The following TNPO1 variants were observed in gnomAD, a reference collection of about 807,000 sequenced individuals.
The protein encoded by TNPO1 is transportin 1.
In TNPO1, 8 loss-of-function variants were observed where a neutral mutation model predicts 119.5. The observed-to-expected ratio is 0.07, with a 90% CI of 0.04 to 0.12. The LOEUF is 0.12. TNPO1 is among the 10% of genes least tolerant of loss of function. The pLI is 1.00. For missense variants in TNPO1, 576 were observed against 1,089.8 expected, an observed-to-expected ratio of 0.53 and a Z score of 6.64; for synonymous variants, 362 against 363.0, an observed-to-expected ratio of 1.00 and a Z score of 0.03.
chr5:72,848,705 G>T (rs1745293951), intron 2 of TNPO1, among the ~76,000 whole-genome samples: 1 of 147,878 alleles, frequency 6.8e-6, no homozygotes, highest in Non-Finnish European at 1.5e-5. Context: ...TGGGCCGGGG[G>T]CGCCGCCGCG....
At chr5:72,855,096 A>C (rs749091236) in intron 3 of TNPO1, among the ~76,000 whole-genome samples, 1 of 151,998 alleles carries the variant, frequency 6.6e-6, no homozygotes, top group South Asian at 2.1e-4. Context: ...TCTGAGTTCA[A>C]GTGATTCTCC....
At chr5:72,851,509 TACAG>T (rs1367769340) in intron 3 of TNPO1, among the ~76,000 whole-genome samples, 190 bp downstream of exon 3, 1 of 152,186 alleles carries the variant, frequency 6.6e-6, no homozygotes, top group Non-Finnish European at 1.5e-5. Flanking sequence ...TTAATGTATA[TACAG>T]ACAGAGTCTC....
At chr5:72,846,668 T>C (rs1745143755) in intron 1 of TNPO1, among the ~76,000 whole-genome samples, 1 of 152,156 alleles carries the variant, frequency 6.6e-6, no homozygotes, top group South Asian at 2.1e-4. Context: ...TTAGGAAGGG[T>C]TGATGGCTGG....
At chr5:72,863,046 T>G (rs1032475656) in intron 5 of TNPO1, among the ~76,000 whole-genome samples, 35 of 151,772 alleles carry the variant, frequency 2.3e-4, no homozygotes, top group South Asian at 4.2e-4. Context: ...GTTGTTTTTT[T>G]GGGGTTTTTT....
At chr5:72,897,480 G>A (rs1749515443) in intron 20 of TNPO1, among the ~76,000 whole-genome samples, 1 of 121,382 alleles carries the variant, frequency 8.2e-6, no homozygotes, top group African/African-American at 2.6e-5. Flanking sequence ...ACTGGGAGCT[G>A]GGAAGTAATT....
intron 24 of TNPO1, among the ~76,000 whole-genome samples, chr5:72,907,793 T>G (rs1750273439): frequency 6.6e-6 from 1 of 152,084 alleles, no homozygotes. Context: ...TCTATAATCC[T>G]AGCATTTTGG....
chr5:72,848,722 T>C (rs1213382961), intron 2 of TNPO1, among the ~76,000 whole-genome samples: 5 of 145,586 alleles, frequency 3.4e-5, no homozygotes, highest in Non-Finnish European at 6.1e-5. Context: ...CGCGTGGGGC[T>C]CACGCCGCCA....
At position 72,855,703 on chromosome 5, in the gene TNPO1, T is replaced by A. The variant is rs564474269; in HGVS notation, c.206-71T>A. The stretch of plus-strand genomic sequence containing the variant: ...CAATCAACTTTTGAATATAAATGTT[T>A]TTAAAACTTATCGGCACATTTTGAA... On this transcript the variant is annotated intron_variant, in intron 3 of 24. Coordinates refer to ENST00000337273, the MANE Select transcript of TNPO1 (RefSeq NM_002270.4). 38 of 1,326,374 alleles carry A rather than the reference T, an allele frequency of 2.9e-5. No individual in the cohort carries two copies. The South Asian group carries it at 5.5e-4, about 19-fold the overall frequency. 82.2% of individuals were successfully genotyped at this position (1,326,374 alleles called of 1,614,324 possible).
At chr5:72,819,069 AAAGAG>A (rs1421763330) in intron 1 of TNPO1, among the ~76,000 whole-genome samples, 1 of 152,228 alleles carries the variant, frequency 6.6e-6, no homozygotes, top group Non-Finnish European at 1.5e-5. Context: ...GGTCATTTAT[AAAGAG>A]AAGAGGTTTA....
chr5:72,867,978 C>T (rs1346504242), intron 6 of TNPO1, among the ~76,000 whole-genome samples: 1 of 151,994 alleles, frequency 6.6e-6, no homozygotes, highest in Non-Finnish European at 1.5e-5. Context: ...ATGTTTATTG[C>T]CTTTATCTTG....
chr5:72,840,646 A>AT (rs1744871509), intron 1 of TNPO1, among the ~76,000 whole-genome samples: 1 of 152,132 alleles, frequency 6.6e-6, no homozygotes, highest in African/African-American at 2.4e-5. Context: ...ATTGGGTCAA[A>AT]TTTTGAGATC....
intron 18 of TNPO1, among the ~76,000 whole-genome samples, chr5:72,894,073 T>C (rs569562228): frequency 6.6e-6 from 1 of 152,320 alleles, no homozygotes; most frequent in African/African-American, 2.4e-5. Flanking sequence ...CAGGTTTTCT[T>C]CTCTAGCAAA....
At chr5:72,873,573 C>T (rs58432083) in intron 7 of TNPO1, among the ~76,000 whole-genome samples, 26,463 of 152,054 alleles carry the variant, frequency 0.17, 2,540 homozygotes, top group African/African-American at 0.25. Flanking sequence ...TTACTGACTA[C>T]TACCTACTAT....
At chr5:72,883,277 CT>C (rs1162904667) in intron 11 of TNPO1, 45 bp downstream of exon 11, 2 of 878,490 alleles carry the variant, frequency 2.3e-6, no homozygotes, top group Non-Finnish European at 3.8e-6. Context: ...TTGATGATAA[CT>C]TTATTGGGGT....
At position 72,875,710 on chromosome 5, in the gene TNPO1, G is replaced by A. The variant is rs769750657; in HGVS notation, c.774G>A (p.Leu258=). ...VMLLEVRMDR[L]LPHMHNIVEY... ...TGCTCGAAGTTCGAATGGATCGCCT[G>A]CTTCCTCACATGCATAATATAGTTG... The change falls in exon 8 of 25, where the codon CTG becomes CTA. Residue 258 remains leucine (L), a synonymous_variant. Coordinates refer to ENST00000337273, the MANE Select transcript of TNPO1 (RefSeq NM_002270.4). The A allele has an allele frequency of 6.2e-7, 1 of 1,612,848 alleles. No individual in the cohort carries two copies. Among genetic ancestry groups the A allele is most frequent in the Non-Finnish European group, 8.5e-7 (1 of 1,179,060 alleles).
intron 6 of TNPO1, 24 bp from the exon 7 acceptor site, chr5:72,872,615 T>A (rs1170533638): frequency 2.6e-6 from 4 of 1,562,972 alleles, no homozygotes; most frequent in Non-Finnish European, 3.5e-6. Flanking sequence ...TGAGCATATG[T>A]TAAATTTTAA....
intron 1 of TNPO1, among the ~76,000 whole-genome samples, chr5:72,819,748 T>C (rs1454215729): frequency 6.6e-5 from 10 of 152,228 alleles, no homozygotes; most frequent in Non-Finnish European, 2.9e-5. Context: ...AACAGGCGCT[T>C]TGGAGCCACA....
chr5:72,880,030 T>G (rs1748113432), intron 9 of TNPO1, among the ~76,000 whole-genome samples: 1 of 152,002 alleles, frequency 6.6e-6, no homozygotes, highest in Non-Finnish European at 1.5e-5. Context: ...CTACCAAAAA[T>G]ACAAAAATTA....
intron 6 of TNPO1, among the ~76,000 whole-genome samples, chr5:72,868,603 A>G (rs1279923880): frequency 2.6e-5 from 4 of 152,044 alleles, no homozygotes; most frequent in African/African-American, 7.2e-5. Context: ...CCTCTGTTAT[A>G]TGCTTAGTTA....
Sources: gnomAD v4.1 joint callset for allele counts (sites outside exome capture counted in the v4.1 genomes callset) on GRCh38, gnomAD v4.1.1 for gene constraint, MANE v1.5 for transcripts, NCBI Gene and HGNC (gene_info 2026-07-23, HGNC 2026-07-21) for gene names.